The following ADAM22 variants were observed in gnomAD, a reference collection of about 807,000 sequenced individuals.
ADAM22 encodes ADAM metallopeptidase domain 22.
In ADAM22, 65 loss-of-function variants were observed where a neutral mutation model predicts 144.6. That is an observed-to-expected ratio of 0.45 (90% CI 0.37 to 0.55). ADAM22 has a LOEUF of 0.55. Among genes scored for constraint, ADAM22 ranks in the 20% least tolerant of loss-of-function variants. The pLI, the probability that ADAM22 is intolerant of heterozygous loss-of-function variation, is 0.00. For synonymous variants in ADAM22, 391 were observed against 412.6 expected, an observed-to-expected ratio of 0.95 and a Z score of 0.63; for missense variants, 974 against 1,184.9, an observed-to-expected ratio of 0.82 and a Z score of 2.61.
intron 4 of ADAM22, among the ~76,000 whole-genome samples, chr7:88,099,372 C>A (rs1033114268): frequency 6.6e-6 from 1 of 152,118 alleles, no homozygotes; most frequent in Non-Finnish European, 1.5e-5. Context: ...AGCCTTAATT[C>A]CCAGAGGGTA....
rs182796725 is a variant in ADAM22 at position 88,080,804 on chromosome 7, G to T, written c.390+5112G>T. Among the ~76,000 whole-genome samples the T allele has an allele frequency of 3.2e-3, 480 of 152,292 alleles. 1 individual carries two copies. Among genetic ancestry groups the T allele is most frequent in the African/African-American group, 0.011 (457 of 41,548 alleles). ...TCTCCCAAGACTAAACCAGGAAGAAGTTGAATCTCTGAATAGACCAATATT... is the reference window on the plus strand; with the variant it reads ...TCTCCCAAGACTAAACCAGGAAGAATTTGAATCTCTGAATAGACCAATATT... On this transcript the variant is annotated intron_variant, in intron 4 of 31. Coordinates refer to ENST00000413139, the MANE Select transcript of ADAM22 (RefSeq NM_001324418.2).
intron 3 of ADAM22, among the ~76,000 whole-genome samples, chr7:88,014,314 G>A (rs745834585): frequency 3.9e-5 from 6 of 152,112 alleles, no homozygotes; most frequent in African/African-American, 7.2e-5. Flanking sequence ...TAATGGGCCC[G>A]ATGCTGCTTC....
chr7:88,026,739 G>A (rs567173034), intron 3 of ADAM22, among the ~76,000 whole-genome samples: 14 of 152,204 alleles, frequency 9.2e-5, no homozygotes, highest in African/African-American at 3.4e-4. Context: ...GATTGCTCTA[G>A]CTAGGTCTTC....
chr7:88,082,482 C>T (rs1321881447), intron 4 of ADAM22, among the ~76,000 whole-genome samples: 1 of 152,086 alleles, frequency 6.6e-6, no homozygotes, highest in African/African-American at 2.4e-5. Context: ...CCAAAATTGA[C>T]AAGTGGGATC....
At chr7:88,008,644 G>T (rs991415237) in intron 3 of ADAM22, among the ~76,000 whole-genome samples, 1 of 151,160 alleles carries the variant, frequency 6.6e-6, no homozygotes, top group Admixed American at 6.6e-5. Flanking sequence ...GTAAACTATC[G>T]CAAGGACAAA....
chr7:87,972,792 A>T (rs952073218), intron 2 of ADAM22, among the ~76,000 whole-genome samples: 1 of 152,334 alleles, frequency 6.6e-6, no homozygotes, highest in East Asian at 1.9e-4. Context: ...AACACCGCAT[A>T]TCTACAACTA....
chr7:87,955,691 G>T (rs1225745179), intron 2 of ADAM22, among the ~76,000 whole-genome samples: 2 of 152,210 alleles, frequency 1.3e-5, no homozygotes, highest in Admixed American at 6.5e-5. Context: ...AGTCTGCAGA[G>T]GTTACTGCTG....
intron 4 of ADAM22, among the ~76,000 whole-genome samples, chr7:88,076,018 TA>T (rs1408474738): frequency 1.3e-5 from 2 of 152,164 alleles, no homozygotes; most frequent in Non-Finnish European, 2.9e-5. Context: ...TATTTTATTT[TA>T]TTTTATTTTT....
At chr7:88,125,538 G>T in intron 7 of ADAM22, 51 bp from the exon 8 acceptor site, 1 of 1,385,290 alleles carries the variant, frequency 7.2e-7, no homozygotes, top group Non-Finnish European at 1.0e-6. Flanking sequence ...GCCCTGTATT[G>T]AAGAAATCTG....
In ADAM22 at chr7:88,190,188, C is replaced by A. The variant is rs530927396; in HGVS notation, c.2751-2928C>A. ...ACAATCCATTGGCACACAAACATAC[C>A]TTTATTGTGTAATTCTAATAGGGTA... On this transcript the variant is annotated intron_variant, in intron 30 of 31. Transcript: ENST00000413139. 5.3e-5 allele frequency among the ~76,000 whole-genome samples: 8 copies of A among 152,238 alleles called. No individual in the cohort carries two copies. The East Asian group carries it at 1.5e-3, about 29-fold the overall frequency.
At chr7:87,953,002 T>A (rs1052893416) in intron 2 of ADAM22, among the ~76,000 whole-genome samples, 1 of 152,202 alleles carries the variant, frequency 6.6e-6, no homozygotes, top group Non-Finnish European at 1.5e-5. Flanking sequence ...CCTTTATCAT[T>A]TTTTATTGCA....
intron 4 of ADAM22, among the ~76,000 whole-genome samples, chr7:88,095,668 C>T (rs1213968834): frequency 2.6e-5 from 4 of 152,094 alleles, no homozygotes; most frequent in African/African-American, 9.7e-5. Flanking sequence ...AACAATTGGC[C>T]TGCGATAAAA....
chr7:87,962,523 A>G (rs775246961), intron 2 of ADAM22, among the ~76,000 whole-genome samples: 4 of 152,232 alleles, frequency 2.6e-5, no homozygotes, highest in Non-Finnish European at 4.4e-5. Context: ...TGATTCCTGA[A>G]TACAACACGA....
intron 3 of ADAM22, among the ~76,000 whole-genome samples, chr7:88,064,949 TGGTA>T (rs1173902430): frequency 2.6e-5 from 4 of 152,130 alleles, no homozygotes; most frequent in Non-Finnish European, 5.9e-5. Flanking sequence ...GTAGTAGTAG[TGGTA>T]GCAGTGGTAA....
chr7:88,024,197 A>G (rs796204761), intron 3 of ADAM22, among the ~76,000 whole-genome samples: 6 of 152,228 alleles, frequency 3.9e-5, no homozygotes, highest in African/African-American at 1.4e-4. Flanking sequence ...TCTTTTGACT[A>G]TATACCTAAC....
chr7:88,000,986 C>A (rs1225728823), intron 3 of ADAM22, among the ~76,000 whole-genome samples: 1 of 152,126 alleles, frequency 6.6e-6, no homozygotes, highest in Non-Finnish European at 1.5e-5. Context: ...CCAGCTCAGG[C>A]ACTATGATTG....
intron 17 of ADAM22, 91 bp from the exon 18 acceptor site, chr7:88,148,886 C>G: frequency 1.0e-6 from 1 of 1,003,858 alleles, no homozygotes; most frequent in Non-Finnish European, 1.5e-6. Flanking sequence ...GTATTTCTAG[C>G]CAAACAATTT....
intron 22 of ADAM22, among the ~76,000 whole-genome samples, chr7:88,157,920 A>C (rs571697581): frequency 6.6e-6 from 1 of 152,288 alleles, no homozygotes; most frequent in Non-Finnish European, 1.5e-5. Context: ...GATTGAATGT[A>C]AATGGCCTAA....
At chr7:88,189,200 A>G (rs1849027253) in intron 30 of ADAM22, among the ~76,000 whole-genome samples, 1 of 152,176 alleles carries the variant, frequency 6.6e-6, no homozygotes, top group African/African-American at 2.4e-5. Context: ...GCCACCAGGA[A>G]GGAGCAAGTG....
Sources: allele counts gnomAD v4.1 joint callset (sites outside exome capture counted in the v4.1 genomes callset), GRCh38; gene constraint gnomAD v4.1.1; transcripts MANE v1.5; gene names NCBI Gene and HGNC (gene_info 2026-07-23, HGNC 2026-07-21).